The following ADAMTS17 variants were observed in gnomAD, a reference collection of about 807,000 sequenced individuals.
The protein encoded by ADAMTS17 is ADAM metallopeptidase with thrombospondin type 1 motif 17.
Under a neutral mutation model 141.5 loss-of-function variants are expected in ADAMTS17, and 113 were observed. The ratio of observed to expected loss-of-function variants is 0.80; its 90% CI spans 0.69 to 0.93. The LOEUF (loss-of-function observed/expected upper bound fraction) is 0.93. ADAMTS17 is among the 40% of genes least tolerant of loss of function. ADAMTS17 has a pLI of 0.00. For missense variants in ADAMTS17, 1,659 were observed against 1,517.9 expected, an observed-to-expected ratio of 1.09 and a Z score of -1.54; for synonymous variants, 768 against 630.6, an observed-to-expected ratio of 1.22 and a Z score of -3.27.
At chr15:100,158,028 AG>A (rs956650473) in intron 8 of ADAMTS17, among the ~76,000 whole-genome samples, 19 of 152,094 alleles carry the variant, frequency 1.2e-4, no homozygotes, top group African/African-American at 4.3e-4. Context: ...AGCTGGGACT[AG>A]AGGCACGCGC....
intron 20 of ADAMTS17, among the ~76,000 whole-genome samples, chr15:99,981,835 T>C (rs1375101058): frequency 2.6e-5 from 4 of 152,236 alleles, no homozygotes; most frequent in Non-Finnish European, 5.9e-5. Context: ...TGTAACCTGC[T>C]GGTGGCCCAC....
At chr15:100,117,609 A>G (rs984494240) in intron 12 of ADAMTS17, among the ~76,000 whole-genome samples, 1 of 152,098 alleles carries the variant, frequency 6.6e-6, no homozygotes, top group Non-Finnish European at 1.5e-5. Flanking sequence ...TGGATCCTAG[A>G]TGCTCTGTGC....
chr15:99,994,355 C>T (rs2060752881), intron 19 of ADAMTS17, among the ~76,000 whole-genome samples: 1 of 151,900 alleles, frequency 6.6e-6, no homozygotes, highest in South Asian at 2.1e-4. Flanking sequence ...CAGTAGTTCA[C>T]ACCCATAATC....
chr15:100,127,260 A>G (rs921914423), intron 12 of ADAMTS17, among the ~76,000 whole-genome samples: 2 of 152,150 alleles, frequency 1.3e-5, no homozygotes, highest in African/African-American at 4.8e-5. Context: ...TGGAGATGAG[A>G]CCATCCTGGA....
intron 13 of ADAMTS17, among the ~76,000 whole-genome samples, chr15:100,110,891 G>A (rs779459199): frequency 2.0e-5 from 3 of 152,102 alleles, no homozygotes; most frequent in Non-Finnish European, 2.9e-5. Context: ...GTGCTGTCTC[G>A]TGACTGGAGG....
intron 2 of ADAMTS17, among the ~76,000 whole-genome samples, chr15:100,335,248 G>T (rs764816612): frequency 6.6e-6 from 1 of 152,084 alleles, no homozygotes; most frequent in African/African-American, 2.4e-5. Context: ...AAATGCCTTC[G>T]GTTGGCACCC....
At chr15:100,265,394 G>A (rs930039303) in intron 4 of ADAMTS17, among the ~76,000 whole-genome samples, 3 of 152,196 alleles carry the variant, frequency 2.0e-5, no homozygotes. Flanking sequence ...GGTTGGGGAG[G>A]GAACAGCGCA....
At position 100,045,217 on chromosome 15, in the gene ADAMTS17, T is replaced by C. The variant is rs76129520; in HGVS notation, c.2591+3640A>G. 7.4e-3 allele frequency among the ~76,000 whole-genome samples: 1,122 copies of C among 152,316 alleles called. 14 individuals carry two copies. Among genetic ancestry groups the C allele is most frequent in the African/African-American group, 0.026 (1,087 of 41,566 alleles). On this transcript the variant is annotated intron_variant, in intron 18 of 21. Coordinates refer to ENST00000268070, the MANE Select transcript of ADAMTS17 (RefSeq NM_139057.4). ...CAAATATAATCATTTGGGACGATTA[T>C]AATCAAAGTAATCACGTTAAAAATT... is the stretch of plus-strand genomic sequence containing the variant.
chr15:99,982,505 G>T (rs575160521), intron 20 of ADAMTS17, among the ~76,000 whole-genome samples: 2 of 152,212 alleles, frequency 1.3e-5, no homozygotes, highest in African/African-American at 4.8e-5. Context: ...CATGGTGGGC[G>T]CACGGGGTGA....
At chr15:100,275,573 G>A (rs774474236) in intron 4 of ADAMTS17, among the ~76,000 whole-genome samples, 6 of 152,258 alleles carry the variant, frequency 3.9e-5, no homozygotes, top group Non-Finnish European at 7.4e-5. Context: ...GGTGACATGG[G>A]GTCCCTCAGT....
intron 3 of ADAMTS17, among the ~76,000 whole-genome samples, chr15:100,307,787 T>A (rs1429981207): frequency 1.3e-5 from 2 of 152,214 alleles, no homozygotes; most frequent in Non-Finnish European, 2.9e-5. Context: ...AGCACAACAG[T>A]GTGGGTTCCC....
At chr15:100,315,683 T>A (rs112371784) in intron 3 of ADAMTS17, among the ~76,000 whole-genome samples, 20 of 152,066 alleles carry the variant, frequency 1.3e-4, no homozygotes, top group South Asian at 8.3e-4. Context: ...CAAAAAATTT[T>A]AAAAAAAATT....
intron 20 of ADAMTS17, among the ~76,000 whole-genome samples, chr15:99,981,016 T>A (rs916876576): frequency 5.9e-5 from 9 of 152,214 alleles, no homozygotes; most frequent in African/African-American, 2.2e-4. Flanking sequence ...TCAGGGCTGA[T>A]GCCGGCCACT....
chr15:100,312,309 T>C (rs578132389), intron 3 of ADAMTS17, among the ~76,000 whole-genome samples: 1 of 152,158 alleles, frequency 6.6e-6, no homozygotes, highest in Non-Finnish European at 1.5e-5. Context: ...CAACAGCCAC[T>C]GCTGACTTTG....
chr15:99,987,931 C>T (rs1435451640), intron 20 of ADAMTS17, among the ~76,000 whole-genome samples: 5 of 151,976 alleles, frequency 3.3e-5, no homozygotes, highest in East Asian at 3.9e-4. Flanking sequence ...GTCTATGCAG[C>T]CCCCACTGGC....
At chr15:100,089,808 A>T (rs1219718463) in intron 15 of ADAMTS17, among the ~76,000 whole-genome samples, 3 of 140,646 alleles carry the variant, frequency 2.1e-5, no homozygotes, top group East Asian at 4.6e-4. Flanking sequence ...CAGGAAGGGG[A>T]ACATCACACA....
intron 3 of ADAMTS17, among the ~76,000 whole-genome samples, chr15:100,319,893 G>A (rs1452968172): frequency 2.0e-5 from 3 of 152,072 alleles, no homozygotes; most frequent in African/African-American, 7.2e-5. Context: ...TCCTGCCACT[G>A]CACTCCAGCC....
chr15:100,183,178 G>A (rs571541281), intron 8 of ADAMTS17, among the ~76,000 whole-genome samples: 46 of 152,000 alleles, frequency 3.0e-4, no homozygotes, highest in Non-Finnish European at 1.2e-4. Flanking sequence ...TAGTAAAGAC[G>A]GGGTTCTTCT....
intron 10 of ADAMTS17, among the ~76,000 whole-genome samples, chr15:100,147,915 G>A (rs1259723461): frequency 6.6e-6 from 1 of 152,162 alleles, no homozygotes; most frequent in Admixed American, 6.5e-5. Context: ...TGTCAATAGG[G>A]CTGGTTCCTT....
Sources: gnomAD v4.1 joint callset for allele counts (sites outside exome capture counted in the v4.1 genomes callset) on GRCh38, gnomAD v4.1.1 for gene constraint, MANE v1.5 for transcripts, NCBI Gene and HGNC (gene_info 2026-07-23, HGNC 2026-07-21) for gene names.